The following SPAG16 variants were observed in gnomAD, a reference collection of about 807,000 sequenced individuals.
SPAG16 encodes the protein sperm-associated antigen 16 protein.
A neutral mutation model predicts 80.4 loss-of-function variants in SPAG16; 86 were observed. The observed-to-expected ratio is 1.07, with a 90% CI of 0.90 to 1.28. The LOEUF (loss-of-function observed/expected upper bound fraction) is 1.28. SPAG16 is among the 50% of genes most tolerant of loss of function. SPAG16 has a pLI of 0.00. For missense variants in SPAG16, 870 were observed against 765.3 expected (o/e 1.14, Z -1.61); for synonymous variants, 294 against 265.9 (o/e 1.11, Z -1.03).
intron 15 of SPAG16, among the ~76,000 whole-genome samples, chr2:214,211,952 T>A (rs2058305816): frequency 6.6e-6 from 1 of 152,174 alleles, no homozygotes; most frequent in South Asian, 2.1e-4. Context: ...TTTACCACTC[T>A]AGTTTCGGGC....
At chr2:213,865,750 A>T (rs1320738055) in intron 11 of SPAG16, among the ~76,000 whole-genome samples, 1 of 147,574 alleles carries the variant, frequency 6.8e-6, no homozygotes, top group African/African-American at 2.5e-5. Flanking sequence ...ACATATATAC[A>T]TGCACATATA....
At chr2:213,953,357 T>G (rs928149260) in intron 12 of SPAG16, among the ~76,000 whole-genome samples, 1 of 151,762 alleles carries the variant, frequency 6.6e-6, no homozygotes, top group Non-Finnish European at 1.5e-5. Context: ...TTTTAAAGAA[T>G]AAATAGGTTG....
intron 12 of SPAG16, among the ~76,000 whole-genome samples, chr2:213,956,172 T>G (rs2044121278): frequency 6.6e-6 from 1 of 151,832 alleles, no homozygotes; most frequent in Non-Finnish European, 1.5e-5. Context: ...GCCAGACTGG[T>G]CTTGAACTCC....
At chr2:213,810,736 T>G (rs2072084577) in intron 10 of SPAG16, among the ~76,000 whole-genome samples, 1 of 152,168 alleles carries the variant, frequency 6.6e-6, no homozygotes. Context: ...GCGGAAGTAC[T>G]AGGGTGGGGA....
In SPAG16 at chr2:213,535,046, A is replaced by G. The variant is rs116789422; in HGVS notation, c.1070+44956A>G. On this transcript the variant is annotated intron_variant, in intron 10 of 15. Transcript: ENST00000331683. ...TATAAACCAACCCTGCTAACATTTGATCTTGAATTTCTACTTTCCAGATTG... is the reference window on the plus strand; with the variant it reads ...TATAAACCAACCCTGCTAACATTTGGTCTTGAATTTCTACTTTCCAGATTG... Among the ~76,000 whole-genome samples the G allele has an allele frequency of 4.9e-3, 751 of 152,246 alleles. 4 individuals are homozygous for G. The highest frequency in any genetic ancestry group is 0.016 in the African/African-American group (664 of 41,564).
chr2:214,396,260 A>AAACAATAAAAC (rs1701372455), intron 15 of SPAG16, among the ~76,000 whole-genome samples: 1 of 151,370 alleles, frequency 6.6e-6, no homozygotes, highest in Non-Finnish European at 1.5e-5. Flanking sequence ...TTTGTTGTTT[A>AAACAATAAAAC]TTTTAATAAA....
chr2:214,056,472 CA>C (rs2049952186), intron 13 of SPAG16, among the ~76,000 whole-genome samples: 1 of 151,124 alleles, frequency 6.6e-6, no homozygotes, highest in Admixed American at 6.6e-5. Context: ...ATTAAGTGTG[CA>C]ATGAAATTAT....
intron 9 of SPAG16, among the ~76,000 whole-genome samples, chr2:213,403,324 C>T (rs1442611792): frequency 4.5e-4 from 68 of 152,100 alleles, no homozygotes; most frequent in African/African-American, 1.5e-3. Flanking sequence ...ATTCTGGATA[C>T]TAGCCCTTTG....
At chr2:213,608,826 A>C (rs560130569) in intron 10 of SPAG16, among the ~76,000 whole-genome samples, 1 of 152,092 alleles carries the variant, frequency 6.6e-6, no homozygotes, top group South Asian at 2.1e-4. Flanking sequence ...GCTGGGGACT[A>C]CAGGCTCCCA....
intron 10 of SPAG16, among the ~76,000 whole-genome samples, chr2:213,620,827 T>A (rs115469421): frequency 0.013 from 1,974 of 152,270 alleles, 18 homozygotes; most frequent in South Asian, 0.036. Context: ...ATATATTTAA[T>A]TTTTGCTTAT....
intron 10 of SPAG16, among the ~76,000 whole-genome samples, chr2:213,705,460 T>A (rs7562444): frequency 0.31 from 46,826 of 151,870 alleles, 7,533 homozygotes; most frequent in Middle Eastern, 0.43. Context: ...TTTTTTCCAA[T>A]TGGCATCTCT....
At chr2:213,452,999 T>C (rs759655408) in intron 9 of SPAG16, among the ~76,000 whole-genome samples, 12 of 152,224 alleles carry the variant, frequency 7.9e-5, no homozygotes, top group Non-Finnish European at 1.5e-4. Context: ...TTAGTTCCTA[T>C]GCATTCTTCA....
intron 9 of SPAG16, among the ~76,000 whole-genome samples, chr2:213,415,402 C>A (rs2069194063): frequency 6.6e-6 from 1 of 152,142 alleles, no homozygotes; most frequent in Non-Finnish European, 1.5e-5. Context: ...AACTTTGTGC[C>A]TGGAAATATC....
In SPAG16 at chr2:213,386,940, AT is replaced by A. The variant is rs199786859; in HGVS notation, c.942+11822del. ...TGCAATTAATTGGATGGTTTTTGCA[AT>A]CTCATAAGTCAAAATTAAGAGAAAA... On this transcript the variant is annotated intron_variant, in intron 9 of 15. Coordinates refer to ENST00000331683, the MANE Select transcript of SPAG16 (RefSeq NM_024532.5). Among the ~76,000 whole-genome samples the A allele has an allele frequency of 1.3e-3, 195 of 152,320 alleles. 6 individuals are homozygous for A. The East Asian group carries it at 0.027, about 21-fold the overall frequency.
intron 10 of SPAG16, among the ~76,000 whole-genome samples, chr2:213,629,409 A>G (rs907948906): frequency 6.6e-6 from 1 of 152,214 alleles, no homozygotes; most frequent in Non-Finnish European, 1.5e-5. Context: ...GAAATTCAAT[A>G]TATATTCCGT....
At chr2:213,659,549 T>C (rs1441986578) in intron 10 of SPAG16, among the ~76,000 whole-genome samples, 1 of 152,114 alleles carries the variant, frequency 6.6e-6, no homozygotes, top group Non-Finnish European at 1.5e-5. Context: ...AGATTTCCTG[T>C]GGATGATACA....
At chr2:213,655,161 A>G (rs925353336) in intron 10 of SPAG16, among the ~76,000 whole-genome samples, 11 of 152,196 alleles carry the variant, frequency 7.2e-5, no homozygotes, top group South Asian at 4.1e-4. Context: ...AGGTTCATCA[A>G]TTGTAACAAA....
chr2:213,598,886 C>G (rs2060967411), intron 10 of SPAG16, among the ~76,000 whole-genome samples: 1 of 152,098 alleles, frequency 6.6e-6, no homozygotes, highest in South Asian at 2.1e-4. Flanking sequence ...AGTGGGAAAA[C>G]AAACTCTGTG....
intron 15 of SPAG16, among the ~76,000 whole-genome samples, chr2:214,217,150 T>C (rs1007799243): frequency 6.6e-6 from 1 of 152,186 alleles, no homozygotes; most frequent in East Asian, 1.9e-4. Flanking sequence ...TTCAAAAAGG[T>C]TAACATTTTA....
Sources: allele counts gnomAD v4.1 joint callset (sites outside exome capture counted in the v4.1 genomes callset), GRCh38; gene constraint gnomAD v4.1.1; transcripts MANE v1.5; gene names NCBI Gene and HGNC (gene_info 2026-07-23, HGNC 2026-07-21).